The following TFEB variants were observed in gnomAD, a reference collection of about 807,000 sequenced individuals.
TFEB encodes the protein transcription factor EB.
A neutral mutation model predicts 48.0 loss-of-function variants in TFEB; 12 were observed. The ratio of observed to expected loss-of-function variants is 0.25; its 90% CI spans 0.16 to 0.40. The LOEUF (loss-of-function observed/expected upper bound fraction) is 0.40, where lower values mean the gene tolerates loss of function less well. Among genes scored for constraint, TFEB ranks in the 10% least tolerant of loss-of-function variants. The pLI, the probability that TFEB is intolerant of heterozygous loss-of-function variation, is 1.00. For missense variants in TFEB, 509 were observed against 640.3 expected (o/e 0.79, Z 2.21); for synonymous variants, 244 against 261.4 (o/e 0.93, Z 0.64).
chr6:41,706,613 G>A (rs1169122626), intron 1 of TFEB, among the ~76,000 whole-genome samples: 1 of 151,448 alleles, frequency 6.6e-6, no homozygotes, highest in Non-Finnish European at 1.5e-5. Flanking sequence ...CCAGAATTCA[G>A]CTTTGCTCCT....
At chr6:41,687,504 C>T (rs2127446383) in intron 6 of TFEB, among the ~76,000 whole-genome samples, 1 of 152,334 alleles carries the variant, frequency 6.6e-6, no homozygotes, top group South Asian at 2.1e-4. Flanking sequence ...ACCTGATAAA[C>T]TGGGGGTTTC....
intron 7 of TFEB, 63 bp from the exon 8 acceptor site, chr6:41,686,300 C>A: frequency 6.3e-7 from 1 of 1,596,478 alleles, no homozygotes. Flanking sequence ...ATCCTTGCTA[C>A]TGCTCTGGTT....
In TFEB at chr6:41,723,558, A is replaced by G. The variant is rs12664213; in HGVS notation, c.-23+11792T>C. 172,042 of 1,260,948 alleles carry G rather than the reference A, an allele frequency of 0.14. 12,105 individuals carry two copies. The highest frequency in any genetic ancestry group is 0.19 in the East Asian group (3,298 of 17,678). The allele number at this position is 1,260,948 out of a possible 1,614,324, so 78.1% of individuals were successfully genotyped here. On this transcript the variant is annotated intron_variant, in intron 1 of 8. Transcript: ENST00000373033. The surrounding 1 kb of genome is among the most constrained non-coding windows in gnomAD (Gnocchi z 6.0). ...GCACCCCAGCCCCAGGGCCGGGCTC[A>G]GTTTCCTCATTTCCCCGGCGGCTGC...
At chr6:41,695,360 T>C (rs1769522953) in intron 1 of TFEB, among the ~76,000 whole-genome samples, 2 of 152,236 alleles carry the variant, frequency 1.3e-5, no homozygotes, top group African/African-American at 4.8e-5. Context: ...AAATGGTATA[T>C]GTGTAGACAA....
At chr6:41,700,521 G>A (rs1561858551) in intron 1 of TFEB, among the ~76,000 whole-genome samples, 1 of 151,596 alleles carries the variant, frequency 6.6e-6, no homozygotes, top group Non-Finnish European at 1.5e-5. Flanking sequence ...TGAGGAAGCA[G>A]AGGCTCCAAA....
At chr6:41,706,137 G>A (rs576121801) in intron 1 of TFEB, among the ~76,000 whole-genome samples, 3 of 152,350 alleles carry the variant, frequency 2.0e-5, no homozygotes, top group Non-Finnish European at 2.9e-5. Flanking sequence ...GAGGGGCCTA[G>A]CAAGGACAGG....
chr6:41,688,982 C>T (rs1769154499), intron 4 of TFEB, among the ~76,000 whole-genome samples: 1 of 152,174 alleles, frequency 6.6e-6, no homozygotes, highest in Admixed American at 6.5e-5. Context: ...GCTGGCAATC[C>T]CACCTGCCCA....
At chr6:41,692,097 C>T (rs1164869552) in intron 1 of TFEB, among the ~76,000 whole-genome samples, 1 of 152,226 alleles carries the variant, frequency 6.6e-6, no homozygotes, top group African/African-American at 2.4e-5. Flanking sequence ...CCCTCCACCA[C>T]CACTTCCTAT....
intron 1 of TFEB, among the ~76,000 whole-genome samples, chr6:41,721,835 T>A (rs1166652886): frequency 6.6e-6 from 1 of 152,180 alleles, no homozygotes; most frequent in Admixed American, 6.5e-5. Flanking sequence ...CCTGTGTGAA[T>A]CTGAAGCCAG....
chr6:41,697,427 A>AAAAAAAAAAAAAAAATGAGG (rs1769655029), intron 1 of TFEB, among the ~76,000 whole-genome samples: 1 of 145,200 alleles, frequency 6.9e-6, no homozygotes, highest in Non-Finnish European at 1.5e-5. Context: ...AAAAAAAAAA[A>AAAAAAAAAAAAAAAATGAGG]GAATGAGGGC....
chr6:41,684,855 T>G lies in TFEB; in HGVS notation c.1175A>C (p.His392Pro). 6.3e-7 allele frequency: 1 copy of G among 1,576,662 alleles called. No individual in the cohort carries two copies. The highest frequency in any genetic ancestry group is 8.6e-7 in the Non-Finnish European group (1 of 1,159,400). Residue 392 changes from histidine to proline, a missense_variant, in exon 9 of 9, where the codon CAT (histidine) becomes CCT (proline). Physicochemically the swap from His to Pro is moderately conservative, Grantham distance 77. Transcript: ENST00000373033. ...PLPTQPPSPFHHLDFSHSLSF... is the reference protein window; with the variant it reads ...PLPTQPPSPFPHLDFSHSLSF... ...CAGGCTGTGGCTGAAGTCCAGGTGATGGAATGGGGATGGTGGCTGGGTGGG... is the reference window on the plus strand; with the variant it reads ...CAGGCTGTGGCTGAAGTCCAGGTGAGGGAATGGGGATGGTGGCTGGGTGGG...
intron 1 of TFEB, among the ~76,000 whole-genome samples, chr6:41,718,184 T>C (rs777650280): frequency 2.1e-5 from 3 of 145,452 alleles, no homozygotes; most frequent in Non-Finnish European, 4.5e-5. Flanking sequence ...ATTTTGGGGG[T>C]GTTTTTTTTT....
In TFEB at chr6:41,690,993, G is replaced by A; in HGVS notation, c.213+8C>T. 1 of 1,575,224 alleles carries A rather than the reference G, an allele frequency of 6.3e-7. No individual in the cohort carries two copies. Among genetic ancestry groups the A allele is most frequent in the Non-Finnish European group, 8.6e-7 (1 of 1,158,160 alleles). Reference sequence around the variant, plus strand: ...ACAGGGTGGGGGGCAGGCCAGAACAGGCCCTACCTTCAACACCTCCCCAGG... The same window carrying A: ...ACAGGGTGGGGGGCAGGCCAGAACAAGCCCTACCTTCAACACCTCCCCAGG... On this transcript the variant is annotated splice_region_variant and intron_variant, in intron 2 of 8. Coordinates refer to ENST00000373033, the MANE Select transcript of TFEB (RefSeq NM_001271944.2).
In TFEB at chr6:41,734,384, G is replaced by C; in HGVS notation, c.-23+966C>G. 1.0e-6 allele frequency: 1 copy of C among 985,026 alleles called. No homozygotes were observed. Among genetic ancestry groups the C allele is most frequent in the South Asian group, 4.7e-5 (1 of 21,274 alleles). 61.0% of individuals were successfully genotyped at this position (985,026 alleles called of 1,614,324 possible). A position where few individuals can be genotyped will look rare whatever the true frequency, so the allele number is the denominator to read the frequency against. On this transcript the variant is annotated intron_variant, in intron 1 of 8. Coordinates refer to ENST00000373033, the MANE Select transcript of TFEB (RefSeq NM_001271944.2). The surrounding 1 kb of genome is among the most constrained non-coding windows in gnomAD (Gnocchi z 4.0). ...GCTCGCGCAGCCCGGAGCAGCTCGG[G>C]GCAGCCGTGCGTGAAGCCGGAACCC...
At chr6:41,716,276 A>G (rs1305644864) in intron 1 of TFEB, among the ~76,000 whole-genome samples, 2 of 152,186 alleles carry the variant, frequency 1.3e-5, no homozygotes, top group African/African-American at 4.8e-5. Flanking sequence ...CCCCAGTGGT[A>G]CACCCCCTCC....
At chr6:41,725,074 G>A (rs4711689) in intron 1 of TFEB, among the ~76,000 whole-genome samples, 102,944 of 152,102 alleles carry the variant, frequency 0.68, 36,422 homozygotes, top group African/African-American at 0.89. Context: ...CTTGCTATCC[G>A]TTTTTCAGAT....
intron 1 of TFEB, among the ~76,000 whole-genome samples, chr6:41,718,497 C>T (rs1224747804): frequency 1.3e-5 from 2 of 152,112 alleles, no homozygotes; most frequent in East Asian, 3.8e-4. Flanking sequence ...GCATGAGCCA[C>T]CACACCCAGC....
At chr6:41,702,370 G>A (rs1020293763) in intron 1 of TFEB, among the ~76,000 whole-genome samples, 2 of 152,222 alleles carry the variant, frequency 1.3e-5, no homozygotes, top group African/African-American at 2.4e-5. Flanking sequence ...GAGTTGGTCA[G>A]ACAGAAATGT....
intron 1 of TFEB, among the ~76,000 whole-genome samples, chr6:41,710,821 C>T (rs1026607106): frequency 1.3e-5 from 2 of 152,164 alleles, no homozygotes; most frequent in African/African-American, 4.8e-5. Flanking sequence ...AACTTCTCCT[C>T]CTCTCTGGAA....
Sources: allele counts gnomAD v4.1 joint callset (sites outside exome capture counted in the v4.1 genomes callset), GRCh38; gene constraint gnomAD v4.1.1; non-coding constraint Gnocchi (gnomAD v3.1); transcripts MANE v1.5; gene names NCBI Gene and HGNC (gene_info 2026-07-23, HGNC 2026-07-21).